Variants in USP16 observed in about 807,000 individuals in gnomAD.
USP16 encodes the protein ubiquitin specific peptidase 16, also known as ubiquitin carboxyl-terminal hydrolase 16.
In USP16, 77 loss-of-function variants were observed where a neutral mutation model predicts 95.9. The observed-to-expected ratio is 0.80, with a 90% CI of 0.67 to 0.97. The LOEUF is 0.97. USP16 is among the 50% of genes least tolerant of loss of function. The probability of loss-of-function intolerance (pLI) is 0.00; values close to 1 mark genes in which losing one functional copy is unlikely to be tolerated. For missense variants in USP16, 943 were observed against 959.9 expected, an observed-to-expected ratio of 0.98 and a Z score of 0.23; for synonymous variants, 303 against 318.2, an observed-to-expected ratio of 0.95 and a Z score of 0.51.
intron 10 of USP16, among the ~76,000 whole-genome samples, 172 bp from the exon 11 acceptor site, chr21:29,041,838 TATA>T (rs926756113): frequency 2.6e-5 from 4 of 152,198 alleles, no homozygotes; most frequent in Admixed American, 6.5e-5. Flanking sequence ...AGGTGGAATA[TATA>T]ATACTGACTT....
At chr21:29,045,650 G>T (rs1159294463) in intron 13 of USP16, among the ~76,000 whole-genome samples, 2 of 151,940 alleles carry the variant, frequency 1.3e-5, no homozygotes. Context: ...GACCCACCGT[G>T]TGGTATAACA....
At position 29,030,689 on chromosome 21, in the gene USP16, G is replaced by C. The variant is rs2085064857; in HGVS notation, c.156G>C (p.Lys52Asn). The change falls in exon 3 of 18, where the codon AAG becomes AAC. Residue 52 changes from lysine to asparagine, a missense_variant. Physicochemically the swap from Lys to Asn is moderately conservative, Grantham distance 94. Coordinates refer to ENST00000399976, the MANE Select transcript of USP16 (RefSeq NM_006447.3). The stretch of plus-strand genomic sequence containing the variant: ...AATGGAATATCTGCCAAGACTGTAA[G>C]ACTGACAATAAAGTGAAAGATAAAG... ...NVEWNICQDC[K>N]TDNKVKDKAE... 2.5e-6 allele frequency: 4 copies of C among 1,614,054 alleles called. No individual in the cohort carries two copies. The East Asian group carries it at 6.7e-5, about 27-fold the overall frequency.
At chr21:29,028,082 A>C (rs959342685) in intron 2 of USP16, 108 bp downstream of exon 2, 9 of 841,056 alleles carry the variant, frequency 1.1e-5, no homozygotes, top group African/African-American at 1.7e-5. Flanking sequence ...TCTGCATTTT[A>C]ATATAATGTT....
intron 16 of USP16, among the ~76,000 whole-genome samples, chr21:29,050,849 T>G (rs1031366492): frequency 6.6e-6 from 1 of 152,180 alleles, no homozygotes; most frequent in Non-Finnish European, 1.5e-5. Context: ...TTTAAAGCAC[T>G]GGGGTGGCAT....
intron 14 of USP16, among the ~76,000 whole-genome samples, chr21:29,048,452 T>C (rs1249966171): frequency 6.6e-6 from 1 of 152,192 alleles, no homozygotes; most frequent in African/African-American, 2.4e-5. Context: ...ACTTTCAACC[T>C]CATTAACCAA....
At position 29,028,039 on chromosome 21, in the gene USP16, A is replaced by T. The variant is rs994664789; in HGVS notation, c.61+65A>T. 10 of 1,277,094 alleles carry T rather than the reference A, an allele frequency of 7.8e-6. No individual in the cohort carries two copies. In the Admixed American group the frequency reaches 1.7e-4, roughly 21 times the overall value. The allele number at this position is 1,277,094 out of a possible 1,614,324, so 79.1% of individuals were successfully genotyped here. ...AAATGAATATGTTTTAAAATGTAAA[A>T]ATGGTATAAAGCTGCATATTATTGT... On this transcript the variant is annotated intron_variant, in intron 2 of 17. Coordinates refer to ENST00000399976, the MANE Select transcript of USP16 (RefSeq NM_006447.3).
rs199847644 is a variant in USP16, at chr21:29,042,472, G to A, written c.1123G>A (p.Val375Ile). 284 of 1,602,608 alleles carry A rather than the reference G, an allele frequency of 1.8e-4. 7 individuals carry two copies. The South Asian group carries it at 2.8e-3, about 16-fold the overall frequency. The part of the protein sequence containing the change: ...SMIMCDQCRT[V>I]SLVHESFLDL... Reference sequence around the variant, plus strand: ...ACACTGTCTTTTCTGATTGGTTAAGGTCTCCTTGGTTCATGAATCTTTCCT... The same window carrying A: ...ACACTGTCTTTTCTGATTGGTTAAGATCTCCTTGGTTCATGAATCTTTCCT... The change falls in exon 12 of 18, where the codon GTC (valine) becomes ATC (isoleucine). Residue 375 changes from valine (V) to isoleucine (I), a missense_variant and splice_region_variant. By Grantham distance (29) the Val-to-Ile change is conservative. Transcript: ENST00000399976.
intron 12 of USP16, 181 bp from the exon 13 acceptor site, chr21:29,043,242 T>A: frequency 2.6e-6 from 1 of 382,190 alleles, no homozygotes. Flanking sequence ...TTTCTCATTA[T>A]GTGAAGATTG....
intron 17 of USP16, 29 bp downstream of exon 17, chr21:29,053,987 C>T: frequency 6.2e-7 from 1 of 1,613,282 alleles, no homozygotes; most frequent in Non-Finnish European, 8.5e-7. Context: ...TTCAGGCACT[C>T]AGCAGATTAC....
At chr21:29,035,905 G>A (rs1041012942) in intron 4 of USP16, among the ~76,000 whole-genome samples, 4 of 151,948 alleles carry the variant, frequency 2.6e-5, no homozygotes, top group African/African-American at 9.7e-5. Context: ...GCAACAGAGC[G>A]AGACTCCGTC....
At chr21:29,042,639 A>G (rs1476245424) in intron 12 of USP16, 111 bp downstream of exon 12, 3 of 902,618 alleles carry the variant, frequency 3.3e-6, no homozygotes, top group African/African-American at 1.8e-5. Flanking sequence ...CCATGCAGAA[A>G]TTTTTCTTAA....
chr21:29,024,869 C>T (rs1350121385), intron 1 of USP16, 92 bp downstream of exon 1: 43 of 1,180,226 alleles, frequency 3.6e-5, no homozygotes, highest in Non-Finnish European at 4.5e-5. Context: ...TCGTTCTCTT[C>T]TTGAAGGCCG....
chr21:29,026,995 G>A (rs568344609), intron 1 of USP16, among the ~76,000 whole-genome samples: 1 of 152,248 alleles, frequency 6.6e-6, no homozygotes, highest in East Asian at 1.9e-4. Context: ...AGAGTGATAT[G>A]ATAAAAATGG....
chr21:29,050,045 A>T, intron 15 of USP16, 47 bp from the exon 16 acceptor site: 1 of 1,567,844 alleles, frequency 6.4e-7, no homozygotes, highest in East Asian at 2.3e-5. Context: ...CTTAACCTGT[A>T]TTGCTTTTCC....
In USP16 at chr21:29,050,250, AACTC is replaced by A. The variant is rs2085394494; in HGVS notation, c.2193+76_2193+79del. 2.2e-6 allele frequency: 3 copies of A among 1,347,538 alleles called. No homozygotes were observed. In the South Asian group the frequency reaches 3.8e-5, roughly 17 times the overall value. The allele number at this position is 1,347,538 out of a possible 1,614,324, so 83.5% of individuals were successfully genotyped here. ...GTGGCTTACCTAATGCTCCAGTAGC[AACTC>A]ACTTAAGTATGAAGTTGATAACACT... On this transcript the variant is annotated intron_variant, in intron 16 of 17. Transcript: ENST00000399976.
At chr21:29,037,051 A>G (rs928931474) in intron 5 of USP16, among the ~76,000 whole-genome samples, 2 of 152,204 alleles carry the variant, frequency 1.3e-5, no homozygotes, top group African/African-American at 4.8e-5. Flanking sequence ...GGTTTCATTT[A>G]TCAAACTAAT....
intron 15 of USP16, 119 bp from the exon 16 acceptor site, chr21:29,049,973 A>C (rs2085389233): frequency 1.1e-6 from 1 of 881,490 alleles, no homozygotes; most frequent in Admixed American, 3.0e-5. Flanking sequence ...GAGTCTCCAA[A>C]GAAAATTGAA....
chr21:29,050,489 A>G lies in USP16; in HGVS notation c.2193+311A>G, dbSNP rs138445383. 3.3e-5 allele frequency among the ~76,000 whole-genome samples: 5 copies of G among 152,362 alleles called. 1 individual carries two copies. The highest frequency in any genetic ancestry group is 6.8e-3 in the Middle Eastern group (2 of 294). On this transcript the variant is annotated intron_variant, in intron 16 of 17. Coordinates refer to ENST00000399976, the MANE Select transcript of USP16 (RefSeq NM_006447.3). Reference sequence around the variant, plus strand: ...ATGTGGTTGAATGTTAAGGCTGGTGAACATAGGTCAGGAGTGGTATACACT... The same window carrying G: ...ATGTGGTTGAATGTTAAGGCTGGTGGACATAGGTCAGGAGTGGTATACACT...
intron 3 of USP16, among the ~76,000 whole-genome samples, chr21:29,032,655 G>C (rs2085094662): frequency 6.6e-6 from 1 of 152,138 alleles, no homozygotes; most frequent in African/African-American, 2.4e-5. Context: ...TGTTTTTACT[G>C]TTTACCTGTC....
Sources: gnomAD v4.1 joint callset for allele counts (sites outside exome capture counted in the v4.1 genomes callset) on GRCh38, gnomAD v4.1.1 for gene constraint, MANE v1.5 for transcripts, NCBI Gene and HGNC (gene_info 2026-07-23, HGNC 2026-07-21) for gene names.